The following EIF4G3 variants were observed in gnomAD, a reference collection of about 807,000 sequenced individuals.
EIF4G3 encodes eIF-4-gamma 3.
EIF4G3 carries 34 observed loss-of-function variants against 186.4 expected under a neutral mutation model. The observed-to-expected ratio is 0.18, with a 90% CI of 0.14 to 0.24. EIF4G3 has a LOEUF of 0.24. EIF4G3 is among the 10% of genes least tolerant of loss of function. EIF4G3 has a pLI of 1.00. For synonymous variants in EIF4G3, 673 were observed against 679.5 expected, an observed-to-expected ratio of 0.99 and a Z score of 0.15; for missense variants, 1,536 against 1,948.5, an observed-to-expected ratio of 0.79 and a Z score of 3.99.
intron 2 of EIF4G3, among the ~76,000 whole-genome samples, chr1:21,123,635 A>G (rs915148479): frequency 1.3e-5 from 2 of 152,184 alleles, no homozygotes. Flanking sequence ...TTGTCTTAAA[A>G]TTTACTGGCA....
chr1:21,140,201 A>T (rs2097313523), intron 2 of EIF4G3, among the ~76,000 whole-genome samples: 1 of 152,230 alleles, frequency 6.6e-6, no homozygotes, highest in Non-Finnish European at 1.5e-5. Context: ...CAAAATCATC[A>T]TGAAACTGAT....
rs1185472524 is a variant in EIF4G3 at position 20,851,496 on chromosome 1, C to G, written c.3552-18G>C. On this transcript the variant is annotated intron_variant, in intron 27 of 36. Coordinates refer to ENST00000602326, the MANE Select transcript of EIF4G3 (RefSeq NM_001391906.1). ...TTCCACGACTTAAAAGACAAAACAA[C>G]ACTTTTCAAAGGAAAGACAAGCCCA... The G allele has an allele frequency of 6.2e-7, 1 of 1,612,834 alleles. No individual in the cohort carries two copies. The highest frequency in any genetic ancestry group is 1.3e-5 in the African/African-American group (1 of 74,864).
At position 21,039,128 on chromosome 1, in the gene EIF4G3, G is replaced by A. The variant is rs78594887; in HGVS notation, c.-67+11738C>T. On this transcript the variant is annotated intron_variant, in intron 4 of 36. Coordinates refer to ENST00000602326, the MANE Select transcript of EIF4G3 (RefSeq NM_001391906.1). ...CAGAGCAATGAAAAGAAAAGAGCCC[G>A]GAAATAAACCTTCACATACGTGGTC... 6.8e-3 allele frequency among the ~76,000 whole-genome samples: 1,040 copies of A among 152,248 alleles called. 13 individuals are homozygous for A. Among genetic ancestry groups the A allele is most frequent in the African/African-American group, 0.024 (983 of 41,550 alleles).
At chr1:21,019,251 A>C (rs770292717) in intron 4 of EIF4G3, among the ~76,000 whole-genome samples, 8 of 152,246 alleles carry the variant, frequency 5.3e-5, no homozygotes, top group Non-Finnish European at 1.0e-4. Context: ...GATATCAAAC[A>C]AGTTTGTTTC....
chr1:21,028,766 C>G (rs951971805), intron 4 of EIF4G3, among the ~76,000 whole-genome samples: 1 of 152,138 alleles, frequency 6.6e-6, no homozygotes, highest in Non-Finnish European at 1.5e-5. Context: ...CAACCTAGTA[C>G]TGAAGTAAGC....
chr1:20,844,490 T>G (rs543866189), intron 29 of EIF4G3, among the ~76,000 whole-genome samples: 1 of 152,104 alleles, frequency 6.6e-6, no homozygotes, highest in Non-Finnish European at 1.5e-5. Flanking sequence ...TACTTTTTAG[T>G]GTGTGTTTTT....
intron 29 of EIF4G3, among the ~76,000 whole-genome samples, chr1:20,842,586 CA>C (rs2069064778): frequency 6.6e-6 from 1 of 152,164 alleles, no homozygotes; most frequent in Non-Finnish European, 1.5e-5. Flanking sequence ...AGGCAGGTTT[CA>C]AACTCCTGAC....
intron 4 of EIF4G3, among the ~76,000 whole-genome samples, chr1:21,006,838 C>G (rs2085219947): frequency 6.6e-6 from 1 of 152,154 alleles, no homozygotes; most frequent in African/African-American, 2.4e-5. Context: ...AAAAATTAAT[C>G]TGTATTTCCT....
intron 4 of EIF4G3, among the ~76,000 whole-genome samples, chr1:21,015,519 G>A (rs2088692025): frequency 6.6e-6 from 1 of 152,116 alleles, no homozygotes; most frequent in South Asian, 2.1e-4. Flanking sequence ...GCTCATGCTT[G>A]TAATTGCACC....
At chr1:20,863,378 T>TAAAAAAAAAAAAAAAAAAAAAAAAAAAA (rs3051243) in intron 22 of EIF4G3, among the ~76,000 whole-genome samples, 7 of 102,474 alleles carry the variant, frequency 6.8e-5, no homozygotes, top group African/African-American at 2.1e-4. Context: ...CTACAAAAAG[T>TAAAAAAAAAAAAAAAAAAAAAAAAAAAA]AAAAAAAAAA....
At chr1:20,825,489 T>G (rs1180133756) in intron 32 of EIF4G3, among the ~76,000 whole-genome samples, 1 of 152,174 alleles carries the variant, frequency 6.6e-6, no homozygotes, top group Non-Finnish European at 1.5e-5. Context: ...AGTTAATCTC[T>G]TAAGACTTGT....
intron 3 of EIF4G3, among the ~76,000 whole-genome samples, chr1:21,074,942 C>T (rs1397135854): frequency 2.6e-5 from 4 of 151,748 alleles, no homozygotes; most frequent in East Asian, 1.9e-4. Flanking sequence ...GGGTGGTTAC[C>T]GTAAGTGAAA....
At chr1:20,887,084 G>A (rs2084415495) in intron 18 of EIF4G3, among the ~76,000 whole-genome samples, 2 of 152,038 alleles carry the variant, frequency 1.3e-5, no homozygotes, top group Non-Finnish European at 2.9e-5. Context: ...TTAAATGCTT[G>A]GAAATAATTT....
intron 14 of EIF4G3, among the ~76,000 whole-genome samples, chr1:20,909,650 G>T (rs2092862860): frequency 6.6e-6 from 1 of 150,798 alleles, no homozygotes; most frequent in Non-Finnish European, 1.5e-5. Flanking sequence ...TGTTTTTTTT[G>T]TTTGTTTGTT....
chr1:21,063,002 C>T (rs2154578659), intron 3 of EIF4G3, among the ~76,000 whole-genome samples: 1 of 152,246 alleles, frequency 6.6e-6, no homozygotes, highest in East Asian at 1.9e-4. Context: ...CTAATTTCAC[C>T]TACTCTGTCA....
At chr1:21,059,621 A>G (rs774994646) in intron 3 of EIF4G3, among the ~76,000 whole-genome samples, 3 of 152,194 alleles carry the variant, frequency 2.0e-5, no homozygotes, top group African/African-American at 7.2e-5. Flanking sequence ...GTTGAATTAC[A>G]TGAAATTCCA....
At chr1:21,147,002 C>T (rs2097454729) in intron 2 of EIF4G3, among the ~76,000 whole-genome samples, 1 of 152,022 alleles carries the variant, frequency 6.6e-6, no homozygotes. Flanking sequence ...GTGGCTCCCG[C>T]TTATAACCCC....
intron 30 of EIF4G3, among the ~76,000 whole-genome samples, chr1:20,840,265 C>T (rs1424670193): frequency 7.9e-5 from 12 of 152,188 alleles, no homozygotes; most frequent in Non-Finnish European, 1.5e-4. Context: ...AGAACCTGAT[C>T]AAATGAGGAT....
At chr1:20,840,772 ATACTT>A in intron 30 of EIF4G3, 79 bp downstream of exon 30, 1 of 1,286,342 alleles carries the variant, frequency 7.8e-7, no homozygotes, top group Non-Finnish European at 1.1e-6. Flanking sequence ...AAAAAACTAA[ATACTT>A]AAAGAGGTAA....
Sources: allele counts gnomAD v4.1 joint callset (sites outside exome capture counted in the v4.1 genomes callset), GRCh38; gene constraint gnomAD v4.1.1; transcripts MANE v1.5; gene names NCBI Gene and HGNC (gene_info 2026-07-23, HGNC 2026-07-21).